The following TMEM114 variants were observed in gnomAD, a reference collection of about 807,000 sequenced individuals.
TMEM114 encodes claudin-26.
A neutral mutation model predicts 6.2 loss-of-function variants in TMEM114; 6 were observed. That is an observed-to-expected ratio of 0.97 (90% CI 0.53 to 1.91). TMEM114 has a LOEUF of 1.91. Ranked by LOEUF, TMEM114 falls within the 40% of genes most tolerant of loss-of-function variation. TMEM114 has a pLI of 0.01. For missense variants in TMEM114, 218 were observed against 158.3 expected (o/e 1.38, Z -2.02); for synonymous variants, 104 against 73.0 (o/e 1.42, Z -2.16).
intron 2 of TMEM114, among the ~76,000 whole-genome samples, chr16:8,560,960 C>T (rs1030153759): frequency 6.6e-6 from 1 of 152,196 alleles, no homozygotes; most frequent in Non-Finnish European, 1.5e-5. Context: ...AAAGACACGT[C>T]TTATATCACA....
At chr16:8,568,414 G>C (rs1370455182), downstream of TMEM114, among the ~76,000 whole-genome samples, 1 of 151,898 alleles carries the variant, frequency 6.6e-6, no homozygotes, top group Non-Finnish European at 1.5e-5. Context: ...TGTCATGGTG[G>C]TGTCATGTCG....
At chr16:8,580,717 G>A (rs1019308266) in intron 2 of TMEM114, among the ~76,000 whole-genome samples, 1 of 152,040 alleles carries the variant, frequency 6.6e-6, no homozygotes, top group African/African-American at 2.4e-5. Flanking sequence ...TTGAGATAGG[G>A]TCTCACTCTG....
chr16:8,562,126 G>C (rs889594441), intron 2 of TMEM114, among the ~76,000 whole-genome samples: 4 of 152,030 alleles, frequency 2.6e-5, no homozygotes, highest in East Asian at 1.9e-4. Flanking sequence ...GTAAGTGAAT[G>C]AGTGAGTGAA....
chr16:8,528,008 A>T, the TMEM114 span, among the ~76,000 whole-genome samples: 2 of 152,064 alleles, frequency 1.3e-5, no homozygotes, highest in African/African-American at 4.8e-5. Context: ...CCCAGGCTCA[A>T]CTTTATTCTC....
intron 2 of TMEM114, among the ~76,000 whole-genome samples, chr16:8,547,757 C>A (rs1240957011): frequency 1.3e-5 from 2 of 152,108 alleles, no homozygotes; most frequent in Admixed American, 1.3e-4. Flanking sequence ...GAGGTCCTTG[C>A]GTGGCCTCTG....
intron 2 of TMEM114, among the ~76,000 whole-genome samples, chr16:8,557,997 T>G (rs1901068493): frequency 1.3e-5 from 2 of 152,192 alleles, no homozygotes; most frequent in African/African-American, 4.8e-5. Context: ...CTCACACCTG[T>G]AATCCCAGCA....
At chr16:8,554,392 CTAATAATAATAA>C (rs1238961009) in intron 2 of TMEM114, among the ~76,000 whole-genome samples, 14 of 151,910 alleles carry the variant, frequency 9.2e-5, no homozygotes, top group Middle Eastern at 3.4e-3. Context: ...AACTCTGTCT[CTAATAATAATAA>C]TAATAATAAT....
the TMEM114 span, among the ~76,000 whole-genome samples, chr16:8,529,418 C>G: frequency 4.6e-5 from 7 of 152,192 alleles, no homozygotes; most frequent in Non-Finnish European, 4.4e-5. Flanking sequence ...AGCAAAGTGG[C>G]AGCTGGATAA....
intron 2 of TMEM114, among the ~76,000 whole-genome samples, chr16:8,555,574 T>C (rs535580999): frequency 6.6e-6 from 1 of 152,264 alleles, no homozygotes; most frequent in South Asian, 2.1e-4. Flanking sequence ...CGTCTTTTGG[T>C]TCCTCGTCCC....
At chr16:8,538,295 A>T (rs12445960) in intron 2 of TMEM114, among the ~76,000 whole-genome samples, 30,840 of 140,520 alleles carry the variant, frequency 0.22, 3,184 homozygotes, top group South Asian at 0.27. Context: ...TCTCAAAAAT[A>T]AAAAAAAAAA....
At chr16:8,570,488 C>T (rs181795711) in intron 3 of TMEM114, among the ~76,000 whole-genome samples, 1 of 152,214 alleles carries the variant, frequency 6.6e-6, no homozygotes, top group Non-Finnish European at 1.5e-5. Flanking sequence ...CCCGCCACCG[C>T]GCCCGGCTAA....
the TMEM114 span, among the ~76,000 whole-genome samples, chr16:8,531,208 AT>A: frequency 4.6e-5 from 7 of 152,260 alleles, no homozygotes; most frequent in Non-Finnish European, 1.0e-4. Context: ...TGAATCACAA[AT>A]TGCATGCTAA....
At chr16:8,577,248 C>T (rs1901971595) in intron 2 of TMEM114, among the ~76,000 whole-genome samples, 1 of 152,244 alleles carries the variant, frequency 6.6e-6, no homozygotes, top group African/African-American at 2.4e-5. Flanking sequence ...CTTTCCTTCT[C>T]CCACAGCCCC....
intron 2 of TMEM114, among the ~76,000 whole-genome samples, chr16:8,544,235 G>C (rs761223544): frequency 6.6e-6 from 1 of 152,152 alleles, no homozygotes; most frequent in Non-Finnish European, 1.5e-5. Context: ...TTTATGTCTT[G>C]CTTAACAGAT....
the TMEM114 span, among the ~76,000 whole-genome samples, chr16:8,527,894 A>T: frequency 1.3e-5 from 2 of 152,026 alleles, no homozygotes; most frequent in South Asian, 4.2e-4. Flanking sequence ...GTTTCATGAT[A>T]GTTTCTTCTT....
intron 2 of TMEM114, among the ~76,000 whole-genome samples, chr16:8,553,654 T>C (rs1366896200): frequency 6.6e-6 from 1 of 152,126 alleles, no homozygotes; most frequent in Non-Finnish European, 1.5e-5. Context: ...CCTCCTATTT[T>C]GTATTTTTAG....
intron 2 of TMEM114, among the ~76,000 whole-genome samples, chr16:8,555,199 A>T (rs1330401133): frequency 6.6e-6 from 1 of 152,182 alleles, no homozygotes; most frequent in Non-Finnish European, 1.5e-5. Context: ...CATACATCCC[A>T]AAGGTATGCA....
chr16:8,579,172 G>A (rs1273430668), intron 2 of TMEM114, among the ~76,000 whole-genome samples: 1 of 152,166 alleles, frequency 6.6e-6, no homozygotes, highest in Non-Finnish European at 1.5e-5. Flanking sequence ...TCATTATCAT[G>A]CTGTTCAAAG....
At chr16:8,547,721 G>C (rs1435655145) in intron 2 of TMEM114, among the ~76,000 whole-genome samples, 1 of 152,098 alleles carries the variant, frequency 6.6e-6, no homozygotes, top group East Asian at 1.9e-4. Context: ...CACAAAGGTT[G>C]GCAAGGTTGT....
Sources: gnomAD v4.1 joint callset for allele counts (sites outside exome capture counted in the v4.1 genomes callset) on GRCh38, gnomAD v4.1.1 for gene constraint, MANE v1.5 for transcripts, NCBI Gene and HGNC (gene_info 2026-07-23, HGNC 2026-07-21) for gene names.